XRCC4: variants seen among roughly 807,000 people sequenced by gnomAD.
XRCC4 encodes X-ray repair cross complementing 4, also known as DNA repair protein XRCC4.
A neutral mutation model predicts 39.1 loss-of-function variants in XRCC4; 28 were observed. That is an observed-to-expected ratio of 0.72 (90% CI 0.53 to 0.98). The LOEUF (loss-of-function observed/expected upper bound fraction) is 0.98. XRCC4 is among the 50% of genes least tolerant of loss of function. XRCC4 has a pLI of 0.00. For missense variants in XRCC4, 350 were observed against 376.4 expected, an observed-to-expected ratio of 0.93 and a Z score of 0.58; for synonymous variants, 123 against 126.4, an observed-to-expected ratio of 0.97 and a Z score of 0.18.
At chr5:83,117,113 C>A (rs10079372) in intron 3 of XRCC4, among the ~76,000 whole-genome samples, 58,862 of 151,986 alleles carry the variant, frequency 0.39, 11,860 homozygotes, top group Non-Finnish European at 0.42. Context: ...ATTTTAACTT[C>A]ATTCTCATTT....
intron 6 of XRCC4, among the ~76,000 whole-genome samples, chr5:83,236,570 G>C (rs1027329333): frequency 6.6e-6 from 1 of 151,992 alleles, no homozygotes; most frequent in Non-Finnish European, 1.5e-5. Context: ...AATCAAAATG[G>C]ATTAAAGACT....
chr5:83,294,038 T>A (rs1162043825), intron 7 of XRCC4, among the ~76,000 whole-genome samples: 2 of 151,734 alleles, frequency 1.3e-5, no homozygotes, highest in African/African-American at 4.8e-5. Context: ...GATGTTTGAC[T>A]TTTGTTTTTT....
At chr5:83,179,083 C>G (rs1043607357) in intron 3 of XRCC4, among the ~76,000 whole-genome samples, 1 of 152,242 alleles carries the variant, frequency 6.6e-6, no homozygotes, top group Admixed American at 6.5e-5. Flanking sequence ...CTCATAGTAA[C>G]AGCCATCAAG....
chr5:83,294,051 T>C (rs1488541175), intron 7 of XRCC4, among the ~76,000 whole-genome samples: 1 of 151,924 alleles, frequency 6.6e-6, no homozygotes, highest in Non-Finnish European at 1.5e-5. Context: ...TGTTTTTTTT[T>C]CTCTCTCTTT....
intron 1 of XRCC4, among the ~76,000 whole-genome samples, chr5:83,098,548 G>C (rs1269329995): frequency 6.6e-6 from 1 of 151,794 alleles, no homozygotes; most frequent in African/African-American, 2.4e-5. Context: ...TTAATGTTTA[G>C]AAAAAAATCT....
At chr5:83,360,135 T>C in the XRCC4 span, among the ~76,000 whole-genome samples, 2 of 152,198 alleles carry the variant, frequency 1.3e-5, no homozygotes, top group African/African-American at 4.8e-5. Flanking sequence ...CTTCATCTTA[T>C]CAAATAGTCA....
chr5:83,272,486 G>A (rs1754177195), intron 7 of XRCC4, among the ~76,000 whole-genome samples: 2 of 152,018 alleles, frequency 1.3e-5, no homozygotes, highest in African/African-American at 4.8e-5. Flanking sequence ...ACGTATACAT[G>A]TGCCATGGTG....
chr5:83,180,481 A>G (rs1320108066), intron 3 of XRCC4, among the ~76,000 whole-genome samples: 5 of 152,140 alleles, frequency 3.3e-5, no homozygotes. Context: ...GTAGGCCCCA[A>G]ACTCTGTATC....
intron 3 of XRCC4, among the ~76,000 whole-genome samples, chr5:83,173,885 C>A (rs187987735): frequency 2.0e-5 from 3 of 152,288 alleles, no homozygotes; most frequent in East Asian, 3.9e-4. Context: ...TAGAACAAGT[C>A]TCTTAAGAAG....
rs183904093 is a variant in XRCC4, at chr5:83,130,248, C to T, written c.315+19045C>T. The stretch of plus-strand genomic sequence containing the variant: ...AATCATGTGGTTTTTGTCTTTGGTT[C>T]TGTTTATATGATGGATCACTTTTAT... On this transcript the variant is annotated intron_variant, in intron 3 of 7. Coordinates refer to ENST00000396027, the MANE Select transcript of XRCC4 (RefSeq NM_003401.5). Among the ~76,000 whole-genome samples, 410 of 152,262 alleles carry T rather than the reference C, an allele frequency of 2.7e-3. 1 individual carries two copies. Among genetic ancestry groups the T allele is most frequent in the Middle Eastern group, 6.8e-3 (2 of 294 alleles).
intron 2 of XRCC4, among the ~76,000 whole-genome samples, chr5:83,107,616 A>G (rs1746260770): frequency 6.6e-6 from 1 of 151,876 alleles, no homozygotes; most frequent in Non-Finnish European, 1.5e-5. Flanking sequence ...TCACAGGGGT[A>G]AGTCACAAAG....
At chr5:83,107,840 GAGGATT>G (rs1409721324) in intron 2 of XRCC4, among the ~76,000 whole-genome samples, 3 of 151,896 alleles carry the variant, frequency 2.0e-5, no homozygotes, top group Admixed American at 2.0e-4. Flanking sequence ...TCAGTGGAAA[GAGGATT>G]TTAATAAATC....
At position 83,195,841 on chromosome 5, in the gene XRCC4, T is replaced by C. The variant is rs1377283176; in HGVS notation, c.387T>C (p.Tyr129=). Residue 129 remains tyrosine, a synonymous_variant, in exon 4 of 8, where the codon TAT becomes TAC. Coordinates refer to ENST00000396027, the MANE Select transcript of XRCC4 (RefSeq NM_003401.5). The part of the protein sequence containing the change: ...PAEVIRELIC[Y]CLDTIAENQA... ...AAGTCATTAGAGAACTTATTTGTTA[T>C]TGCTTGGACACCATTGCAGAAAATC... 2 of 1,612,304 alleles carry C rather than the reference T, an allele frequency of 1.2e-6. No homozygotes were observed. The highest frequency in any genetic ancestry group is 3.3e-5 in the Admixed American group (2 of 59,986).
intron 6 of XRCC4, among the ~76,000 whole-genome samples, chr5:83,206,844 A>G (rs758649106): frequency 7.9e-5 from 12 of 152,086 alleles, no homozygotes; most frequent in Non-Finnish European, 1.2e-4. Flanking sequence ...CCAGGAGCAT[A>G]GTCACTCCCC....
chr5:83,137,065 A>G (rs1747934944), intron 3 of XRCC4, among the ~76,000 whole-genome samples: 2 of 152,268 alleles, frequency 1.3e-5, no homozygotes, highest in South Asian at 4.1e-4. Context: ...TACCTTATAT[A>G]CAAAAAAATC....
chr5:83,155,194 G>A (rs565706483), intron 3 of XRCC4, among the ~76,000 whole-genome samples: 4 of 152,110 alleles, frequency 2.6e-5, no homozygotes, highest in Non-Finnish European at 5.9e-5. Flanking sequence ...AAAGTTTGTT[G>A]TAGTCTTGCT....
intron 3 of XRCC4, among the ~76,000 whole-genome samples, chr5:83,116,873 C>T (rs919928994): frequency 8.5e-5 from 13 of 152,122 alleles, no homozygotes; most frequent in African/African-American, 2.4e-4. Flanking sequence ...CTGCCTGCCT[C>T]GGCCTCCCAA....
In XRCC4 at chr5:83,111,083, ATAT is replaced by A. The variant is rs1746420907; in HGVS notation, c.196_198del (p.Tyr66del). The A allele has an allele frequency of 6.2e-7, 1 of 1,612,232 alleles. No homozygotes were observed. The highest frequency in any genetic ancestry group is 8.5e-7 in the Non-Finnish European group (1 of 1,179,124). ...ATGACATGGCAATGGAAAAAGGGAA[ATAT>A]GTTGGTGAACTGAGAAAAGCATTGT... On this transcript the variant is annotated inframe_deletion, in exon 3 of 8. Coordinates refer to ENST00000396027, the MANE Select transcript of XRCC4 (RefSeq NM_003401.5).
At chr5:83,119,924 A>G (rs1746917087) in intron 3 of XRCC4, among the ~76,000 whole-genome samples, 1 of 151,102 alleles carries the variant, frequency 6.6e-6, no homozygotes, top group African/African-American at 2.4e-5. Context: ...CTGCAGTGAG[A>G]TAAGCTAAGG....
Sources: allele counts gnomAD v4.1 joint callset (sites outside exome capture counted in the v4.1 genomes callset), GRCh38; gene constraint gnomAD v4.1.1; transcripts MANE v1.5; gene names NCBI Gene and HGNC (gene_info 2026-07-23, HGNC 2026-07-21).